The following ATG14 variants were observed in gnomAD, a reference collection of about 807,000 sequenced individuals.
ATG14 encodes autophagy related 14.
In ATG14, 35 loss-of-function variants were observed where a neutral mutation model predicts 60.4. That is an observed-to-expected ratio of 0.58 (90% CI 0.44 to 0.77). ATG14 has a LOEUF of 0.77. ATG14 is among the 30% of genes least tolerant of loss of function. ATG14 has a pLI of 0.00. For missense variants in ATG14, 647 were observed against 626.3 expected (o/e 1.03, Z -0.35); for synonymous variants, 234 against 228.8 (o/e 1.02, Z -0.21).
chr14:55,377,848 C>T lies in ATG14; in HGVS notation c.1143G>A (p.Leu381=), dbSNP rs1319270010. ...PLHTLRNLMY[L]VSPSSEHLGR... ...CTAGGTGTTCAGAGCTTGGACTGACCAGGTACATTAGATTCCTGAGGGTAT... is the reference window on the plus strand; with the variant it reads ...CTAGGTGTTCAGAGCTTGGACTGACTAGGTACATTAGATTCCTGAGGGTAT... Residue 381 remains leucine (L), a synonymous_variant, in exon 9 of 10, where the codon CTG becomes CTA. Transcript: ENST00000247178. The T allele has an allele frequency of 6.2e-7, 1 of 1,600,222 alleles. No individual in the cohort carries two copies.
chr14:55,410,063 G>A (rs938715747), intron 1 of ATG14, among the ~76,000 whole-genome samples: 3 of 152,168 alleles, frequency 2.0e-5, no homozygotes, highest in Non-Finnish European at 4.4e-5. Flanking sequence ...TAAGAGAGGA[G>A]TCAAGGAGAA....
intron 6 of ATG14, among the ~76,000 whole-genome samples, chr14:55,381,227 T>C (rs933388818): frequency 3.3e-5 from 5 of 152,188 alleles, no homozygotes; most frequent in African/African-American, 1.2e-4. Flanking sequence ...CACCCAGCAA[T>C]GTGCATGACA....
At chr14:55,372,043 A>ACAGTT (rs1884830724) in intron 9 of ATG14, among the ~76,000 whole-genome samples, 1 of 151,874 alleles carries the variant, frequency 6.6e-6, no homozygotes, top group African/African-American at 2.4e-5. Flanking sequence ...TCCTTGGCAA[A>ACAGTT]CAGTTCTACT....
At chr14:55,385,510 CT>C (rs1245103874) in intron 5 of ATG14, among the ~76,000 whole-genome samples, 1 of 152,216 alleles carries the variant, frequency 6.6e-6, no homozygotes, top group African/African-American at 2.4e-5. Flanking sequence ...CCAGGTTGGT[CT>C]CAAACTCCTG....
At chr14:55,381,784 G>A (rs1359569407) in intron 6 of ATG14, among the ~76,000 whole-genome samples, 178 bp downstream of exon 6, 2 of 152,202 alleles carry the variant, frequency 1.3e-5, no homozygotes, top group Non-Finnish European at 2.9e-5. Context: ...TCATGCCATG[G>A]GGTTTCTGTC....
chr14:55,398,321 TTTTG>T (rs1281347421), intron 1 of ATG14, among the ~76,000 whole-genome samples: 1 of 152,146 alleles, frequency 6.6e-6, no homozygotes, highest in African/African-American at 2.4e-5. Context: ...GGTTTTTTGT[TTTTG>T]TTTTTGTTTT....
rs1594774266 is a variant in ATG14, at chr14:55,369,536, A to AACTT, written c.*79_*82dup. 6 of 1,276,214 alleles carry AACTT rather than the reference A, an allele frequency of 4.7e-6. No individual in the cohort carries two copies. Among genetic ancestry groups the AACTT allele is most frequent in the Middle Eastern group, 2.9e-4 (1 of 3,454 alleles). The allele number at this position is 1,276,214 out of a possible 1,614,324, so 79.1% of individuals were successfully genotyped here. A position where few individuals can be genotyped will look rare whatever the true frequency, so the allele number is the denominator to read the frequency against. ...ACCTCTTTGTTCCAGACACTATCTTAACTTAAACAGAAAATGTTTACTAGA... is the reference window on the plus strand; with the variant it reads ...ACCTCTTTGTTCCAGACACTATCTTAACTTACTTAAACAGAAAATGTTTACTAGA... On this transcript the variant is annotated 3_prime_UTR_variant, in exon 10 of 10. Coordinates refer to ENST00000247178, the MANE Select transcript of ATG14 (RefSeq NM_014924.5).
At chr14:55,387,776 C>A (rs1049863506) in intron 4 of ATG14, among the ~76,000 whole-genome samples, 1 of 152,024 alleles carries the variant, frequency 6.6e-6, no homozygotes, top group African/African-American at 2.4e-5. Context: ...TCAATTGATT[C>A]TCCTGACCCA....
rs568355925 is a variant in ATG14, at chr14:55,366,501, T to C, written c.*3118A>G. On this transcript the variant is annotated 3_prime_UTR_variant, in exon 10 of 10. Transcript: ENST00000247178. ...ATGGGGAATTCCTGCAACATGATACTGTGAGGAGATTCTCGGACACTAGTC... is the reference window on the plus strand; with the variant it reads ...ATGGGGAATTCCTGCAACATGATACCGTGAGGAGATTCTCGGACACTAGTC... 10 of 152,782 alleles carry C rather than the reference T, an allele frequency of 6.5e-5. No individual in the cohort carries two copies. The highest frequency in any genetic ancestry group is 2.2e-4 in the African/African-American group (9 of 41,592). The allele number at this position is 152,782 out of a possible 1,614,324, so 9.5% of individuals were successfully genotyped here. A position where few individuals can be genotyped will look rare whatever the true frequency, so the allele number is the denominator to read the frequency against.
At position 55,368,528 on chromosome 14, in the gene ATG14, C is replaced by A. The variant is rs948858501; in HGVS notation, c.*1091G>T. 3 of 152,334 alleles carry A rather than the reference C, an allele frequency of 2.0e-5. No homozygotes were observed. The highest frequency in any genetic ancestry group is 4.4e-5 in the Non-Finnish European group (3 of 68,178). The allele number at this position is 152,334 out of a possible 1,614,324, so 9.4% of individuals were successfully genotyped here. A position where few individuals can be genotyped will look rare whatever the true frequency, so the allele number is the denominator to read the frequency against. On this transcript the variant is annotated 3_prime_UTR_variant, in exon 10 of 10. Transcript: ENST00000247178. ...AGCCACTGCGCCTGGCTGGGAAATTCTTTCTTTATATTGTGCTTTCCCCAG... is the reference window on the plus strand; with the variant it reads ...AGCCACTGCGCCTGGCTGGGAAATTATTTCTTTATATTGTGCTTTCCCCAG...
At chr14:55,391,914 C>T (rs1885225012) in intron 3 of ATG14, among the ~76,000 whole-genome samples, 1 of 152,154 alleles carries the variant, frequency 6.6e-6, no homozygotes. Context: ...AGTAAGATTT[C>T]CTGAAAAGCC....
At chr14:55,385,079 G>A (rs1018092353) in intron 5 of ATG14, among the ~76,000 whole-genome samples, 2 of 152,172 alleles carry the variant, frequency 1.3e-5, no homozygotes, top group Non-Finnish European at 2.9e-5. Flanking sequence ...CGGTCACCAG[G>A]AAAAGGCTAA....
intron 4 of ATG14, among the ~76,000 whole-genome samples, chr14:55,386,499 C>A (rs116556328): frequency 8.0e-4 from 122 of 152,284 alleles, no homozygotes; most frequent in African/African-American, 2.7e-3. Context: ...CTTAGGTGTG[C>A]CTTGGGCTAT....
intron 1 of ATG14, among the ~76,000 whole-genome samples, chr14:55,409,385 T>C (rs1312811566): frequency 6.6e-6 from 1 of 152,232 alleles, no homozygotes; most frequent in Non-Finnish European, 1.5e-5. Flanking sequence ...AGAAAAACTC[T>C]TGCCCTCATA....
chr14:55,397,503 C>G, intron 1 of ATG14, 69 bp from the exon 2 acceptor site: 1 of 1,215,120 alleles, frequency 8.2e-7, no homozygotes, highest in South Asian at 1.2e-5. Flanking sequence ...TATGCAAATT[C>G]CCAAGAACCA....
At chr14:55,401,191 A>G (rs1285466945) in intron 1 of ATG14, among the ~76,000 whole-genome samples, 2 of 151,914 alleles carry the variant, frequency 1.3e-5, no homozygotes, top group Admixed American at 6.5e-5. Flanking sequence ...AGAAAGTTTG[A>G]ACAACTTTTC....
rs1594773497 is a variant in ATG14, at chr14:55,367,762, C to T, written c.*1857G>A. ...CCGTCTCCAAAAAAAAAAAAGACCA[C>T]CCACAACGAGAAAAGCCTACTTCCT... is the stretch of plus-strand genomic sequence containing the variant. On this transcript the variant is annotated 3_prime_UTR_variant, in exon 10 of 10. Coordinates refer to ENST00000247178, the MANE Select transcript of ATG14 (RefSeq NM_014924.5). 6.6e-6 allele frequency: 1 copy of T among 151,824 alleles called. No individual in the cohort carries two copies. Among genetic ancestry groups the T allele is most frequent in the Non-Finnish European group, 1.5e-5 (1 of 67,952 alleles). The allele number at this position is 151,824 out of a possible 1,614,324, so 9.4% of individuals were successfully genotyped here. A position where few individuals can be genotyped will look rare whatever the true frequency, so the allele number is the denominator to read the frequency against.
At chr14:55,380,185 T>C (rs774016640) in intron 7 of ATG14, among the ~76,000 whole-genome samples, 1 of 151,958 alleles carries the variant, frequency 6.6e-6, no homozygotes, top group Non-Finnish European at 1.5e-5. Context: ...GAGGTGGAGG[T>C]TGCAGTGAGC....
intron 1 of ATG14, among the ~76,000 whole-genome samples, chr14:55,400,086 G>A (rs1032585696): frequency 2.0e-5 from 3 of 152,182 alleles, no homozygotes; most frequent in Non-Finnish European, 4.4e-5. Context: ...ATCAAAAATA[G>A]GTGGTGTCAG....
Sources: gnomAD v4.1 joint callset for allele counts (sites outside exome capture counted in the v4.1 genomes callset) on GRCh38, gnomAD v4.1.1 for gene constraint, MANE v1.5 for transcripts, NCBI Gene and HGNC (gene_info 2026-07-23, HGNC 2026-07-21) for gene names.